Variants in ANKRD62 observed in about 807,000 individuals in gnomAD.
ANKRD62 encodes the protein ankyrin repeat domain 62.
A neutral mutation model predicts 98.8 loss-of-function variants in ANKRD62; 61 were observed. The observed-to-expected ratio is 0.62, with a 90% CI of 0.50 to 0.76. The LOEUF is 0.76. Among genes scored for constraint, ANKRD62 ranks in the 30% least tolerant of loss-of-function variants. The probability of loss-of-function intolerance (pLI) is 0.00; values close to 1 mark genes in which losing one functional copy is unlikely to be tolerated. For synonymous variants in ANKRD62, 341 were observed against 367.9 expected (o/e 0.93, Z 0.84); for missense variants, 933 against 1,082.9 (o/e 0.86, Z 1.94).
At chr18:12,146,355 A>G in the ANKRD62 span, among the ~76,000 whole-genome samples, 2 of 152,124 alleles carry the variant, frequency 1.3e-5, no homozygotes, top group Non-Finnish European at 2.9e-5. Flanking sequence ...TTCGGCCTTC[A>G]GTCTTTGGAG....
the ANKRD62 span, among the ~76,000 whole-genome samples, chr18:12,153,256 A>G: frequency 8.5e-5 from 13 of 152,180 alleles, no homozygotes; most frequent in Non-Finnish European, 1.8e-4. Flanking sequence ...TGTACACTCA[A>G]TGCTATTTAT....
chr18:12,176,293 C>T, the ANKRD62 span, among the ~76,000 whole-genome samples: 2 of 150,066 alleles, frequency 1.3e-5, 1 homozygote, highest in African/African-American at 5.0e-5. Context: ...GCCAAGAGAT[C>T]TCTCAATGGA....
At chr18:12,154,415 G>A in the ANKRD62 span, among the ~76,000 whole-genome samples, 2 of 152,156 alleles carry the variant, frequency 1.3e-5, no homozygotes, top group African/African-American at 4.8e-5. Flanking sequence ...CCACTAGTCA[G>A]AATGGCTGTT....
chr18:12,103,069 A>G (rs1031070592), intron 6 of ANKRD62, 89 bp from the exon 7 acceptor site: 2 of 940,798 alleles, frequency 2.1e-6, no homozygotes, highest in African/African-American at 1.7e-5. Flanking sequence ...GAAGAAAAAT[A>G]TGTTATTTTC....
chr18:12,098,617 A>G (rs765293094), intron 5 of ANKRD62: 14 of 152,274 alleles, frequency 9.2e-5, no homozygotes, highest in Non-Finnish European at 1.8e-4. Flanking sequence ...GTGCTAGCCA[A>G]TAATGAAATT....
intron 9 of ANKRD62, 132 bp from the exon 10 acceptor site, chr18:12,115,261 C>G (rs1383621276): frequency 7.9e-7 from 1 of 1,267,004 alleles, no homozygotes; most frequent in Non-Finnish European, 1.0e-6. Context: ...CCCTTTTAAC[C>G]AAAGTCAGTT....
chr18:12,158,683 C>G, the ANKRD62 span, among the ~76,000 whole-genome samples: 1 of 134,002 alleles, frequency 7.5e-6, no homozygotes, highest in African/African-American at 2.7e-5. Context: ...ACCATCATGC[C>G]TGGCTAATTT....
At chr18:12,146,571 G>A in the ANKRD62 span, among the ~76,000 whole-genome samples, 1 of 152,254 alleles carries the variant, frequency 6.6e-6, no homozygotes, top group East Asian at 1.9e-4. Flanking sequence ...TCAGCCTTCC[G>A]AGCAGCTGGG....
chr18:12,124,145 T>G lies in ANKRD62; in HGVS notation c.1463T>G (p.Leu488Ter). 1.6e-6 allele frequency: 2 copies of G among 1,265,064 alleles called. No individual in the cohort carries two copies. Among genetic ancestry groups the G allele is most frequent in the East Asian group, 2.6e-5 (1 of 38,884 alleles). 78.4% of individuals were successfully genotyped at this position (1,265,064 alleles called of 1,614,324 possible). The stretch of plus-strand genomic sequence containing the variant: ...AGTATATTTAACTACAGATTTATCT[T>G]ACAACAACAAGAAGAAGAAAGAATA... The part of the protein sequence containing the change: ...KKKLCNLRFI[L>*]QQQEEERIKA... Residue 488 changes from leucine to a stop codon, truncating the protein, a stop_gained, in exon 12 of 14, where the codon TTA becomes TGA. Transcript: ENST00000587848. LOFTEE classifies it high-confidence loss of function.
chr18:12,168,191 A>G, the ANKRD62 span, among the ~76,000 whole-genome samples: 6 of 152,110 alleles, frequency 3.9e-5, no homozygotes, highest in Admixed American at 1.3e-4. Flanking sequence ...TTGGTGTTTT[A>G]GTCATGAAGT....
At chr18:12,102,116 C>T (rs749888941) in intron 6 of ANKRD62, 119 of 1,330,118 alleles carry the variant, frequency 8.9e-5, no homozygotes, top group Non-Finnish European at 1.2e-4. Context: ...TTCTGCAAGG[C>T]ATCCCCATGA....
chr18:12,106,172 CT>C (rs1176858620), intron 7 of ANKRD62, among the ~76,000 whole-genome samples: 5 of 152,144 alleles, frequency 3.3e-5, no homozygotes, highest in Admixed American at 3.3e-4. Context: ...ATATCTCCAC[CT>C]ATTTTTTAAT....
At chr18:12,169,778 T>G in the ANKRD62 span, among the ~76,000 whole-genome samples, 3 of 151,942 alleles carry the variant, frequency 2.0e-5, no homozygotes, top group South Asian at 2.1e-4. Context: ...TTTTTTTGGT[T>G]GGTAGGCTAT....
chr18:12,169,565 G>A, the ANKRD62 span, among the ~76,000 whole-genome samples: 2 of 152,142 alleles, frequency 1.3e-5, no homozygotes, highest in Middle Eastern at 3.2e-3. Flanking sequence ...TTGCATCAAT[G>A]TTCAACAGAG....
chr18:12,132,760 A>G (rs1351301937), downstream of ANKRD62, among the ~76,000 whole-genome samples: 1 of 152,068 alleles, frequency 6.6e-6, no homozygotes, highest in Non-Finnish European at 1.5e-5. Context: ...TTGTTAATGT[A>G]ATTATAAGAT....
intron 10 of ANKRD62, among the ~76,000 whole-genome samples, chr18:12,119,248 A>T (rs1277027215): frequency 3.3e-5 from 5 of 151,808 alleles, no homozygotes; most frequent in Non-Finnish European, 4.4e-5. Flanking sequence ...TTCTGAAATT[A>T]GTAATTTGTA....
intron 8 of ANKRD62, 31 bp downstream of exon 8, chr18:12,107,498 C>A (rs1245076222): frequency 2.1e-6 from 3 of 1,412,376 alleles, no homozygotes; most frequent in Non-Finnish European, 1.8e-6. Context: ...AACAGCGGAT[C>A]ACTGTTAATT....
chr18:12,163,589 A>G, the ANKRD62 span, among the ~76,000 whole-genome samples: 1 of 152,098 alleles, frequency 6.6e-6, no homozygotes, highest in African/African-American at 2.4e-5. Context: ...CATGTTCCAC[A>G]TCTTAGAGGA....
the ANKRD62 span, among the ~76,000 whole-genome samples, chr18:12,162,807 T>C: frequency 6.6e-6 from 1 of 152,160 alleles, no homozygotes; most frequent in South Asian, 2.1e-4. Flanking sequence ...AGCACCTTTG[T>C]TGAAAATAAG....
Sources: gnomAD v4.1 joint callset for allele counts (sites outside exome capture counted in the v4.1 genomes callset) on GRCh38, gnomAD v4.1.1 for gene constraint, MANE v1.5 for transcripts, NCBI Gene and HGNC (gene_info 2026-07-23, HGNC 2026-07-21) for gene names.